Variants in CDK19 observed in about 807,000 individuals in gnomAD.
The protein encoded by CDK19 is cyclin dependent kinase 19, also known as cyclin-dependent kinase 19.
In CDK19, 20 loss-of-function variants were observed where a neutral mutation model predicts 68.3. The ratio of observed to expected loss-of-function variants is 0.29; its 90% CI spans 0.21 to 0.43. The LOEUF (loss-of-function observed/expected upper bound fraction) is 0.43. Among genes scored for constraint, CDK19 ranks in the 20% least tolerant of loss-of-function variants. The pLI is 1.00. For synonymous variants in CDK19, 221 were observed against 222.8 expected, an observed-to-expected ratio of 0.99 and a Z score of 0.07; for missense variants, 339 against 623.5, an observed-to-expected ratio of 0.54 and a Z score of 4.86.
At chr6:110,631,815 T>C (rs752946591) in intron 6 of CDK19, among the ~76,000 whole-genome samples, 22 of 152,360 alleles carry the variant, frequency 1.4e-4, no homozygotes, top group Middle Eastern at 3.4e-3. Context: ...CTGATACCTC[T>C]ATTCTCTGAA....
chr6:110,661,821 G>A (rs1781634381), intron 4 of CDK19, among the ~76,000 whole-genome samples: 1 of 152,006 alleles, frequency 6.6e-6, no homozygotes, highest in Non-Finnish European at 1.5e-5. Context: ...TCTCTCAACT[G>A]GATCTCACAA....
At chr6:110,673,554 T>C (rs1771200109) in intron 2 of CDK19, among the ~76,000 whole-genome samples, 1 of 152,054 alleles carries the variant, frequency 6.6e-6, no homozygotes, top group Admixed American at 6.6e-5. Context: ...AAAAAAACTT[T>C]TTTTGTAGAG....
At position 110,673,477 on chromosome 6, in the gene CDK19, T is replaced by C. The variant is rs369709132; in HGVS notation, c.205-2936A>G. Among the ~76,000 whole-genome samples the C allele has an allele frequency of 1.8e-4, 28 of 152,222 alleles. No individual in the cohort carries two copies. In the South Asian group the frequency reaches 2.1e-3, roughly 11 times the overall value. On this transcript the variant is annotated intron_variant, in intron 2 of 12. Coordinates refer to ENST00000368911, the MANE Select transcript of CDK19 (RefSeq NM_015076.5). ...TATATATACCCAGAAGTGAAATTGC[T>C]AGATCCTATGGTAACTCTATGTTTA...
chr6:110,689,451 T>A (rs372910411), intron 2 of CDK19, among the ~76,000 whole-genome samples: 3 of 152,188 alleles, frequency 2.0e-5, no homozygotes, highest in African/African-American at 7.2e-5. Flanking sequence ...CCACAGGTGG[T>A]GCTCTCTTGC....
chr6:110,670,762 C>A (rs903724124), intron 2 of CDK19: 5 of 631,598 alleles, frequency 7.9e-6, no homozygotes, highest in Non-Finnish European at 1.2e-5. Flanking sequence ...TTAGGTATAT[C>A]TGTTTTGTTT....
chr6:110,749,037 C>G (rs1778270616), intron 1 of CDK19, among the ~76,000 whole-genome samples: 1 of 152,174 alleles, frequency 6.6e-6, no homozygotes, highest in Non-Finnish European at 1.5e-5. Context: ...CAAAGCAATT[C>G]CAAAGCCTTC....
intron 1 of CDK19, among the ~76,000 whole-genome samples, chr6:110,776,895 G>A (rs1170062553): frequency 1.3e-5 from 2 of 152,092 alleles, no homozygotes; most frequent in African/African-American, 2.4e-5. Context: ...TAACTCATTC[G>A]GTCTTCACAA....
At chr6:110,699,010 T>C (rs1339278570) in intron 2 of CDK19, among the ~76,000 whole-genome samples, 4 of 145,562 alleles carry the variant, frequency 2.7e-5, no homozygotes, top group African/African-American at 1.0e-4. Context: ...GCCATGTTCA[T>C]GCCACTGCAC....
intron 4 of CDK19, among the ~76,000 whole-genome samples, chr6:110,647,909 CAGATGGCTT>C (rs1780712186): frequency 6.6e-6 from 1 of 152,054 alleles, no homozygotes; most frequent in Non-Finnish European, 1.5e-5. Context: ...CAAATCCATC[CAGATGGCTT>C]AACATGAGAA....
intron 2 of CDK19, among the ~76,000 whole-genome samples, chr6:110,739,760 A>G (rs977431428): frequency 2.0e-5 from 3 of 151,240 alleles, no homozygotes; most frequent in African/African-American, 7.3e-5. Context: ...CCTCCCAGGT[A>G]GCTAGGACTA....
chr6:110,800,714 A>C (rs1782283898), intron 1 of CDK19, among the ~76,000 whole-genome samples: 1 of 152,200 alleles, frequency 6.6e-6, no homozygotes, highest in South Asian at 2.1e-4. Context: ...CGATCATCTC[A>C]ATTGGCACAG....
intron 4 of CDK19, among the ~76,000 whole-genome samples, chr6:110,664,445 T>G (rs1450635493): frequency 6.6e-6 from 1 of 152,238 alleles, no homozygotes; most frequent in African/African-American, 2.4e-5. Flanking sequence ...ATGTCATATT[T>G]CTTCAAGGCT....
At chr6:110,794,191 G>A (rs1179720724) in intron 1 of CDK19, among the ~76,000 whole-genome samples, 4 of 151,822 alleles carry the variant, frequency 2.6e-5, no homozygotes, top group Non-Finnish European at 4.4e-5. Context: ...GACTAAGGGC[G>A]TCTGCCACCA....
intron 1 of CDK19, among the ~76,000 whole-genome samples, chr6:110,799,725 T>G (rs181450615): frequency 6.6e-6 from 1 of 152,198 alleles, no homozygotes; most frequent in East Asian, 1.9e-4. Context: ...AGCCCCCAAG[T>G]TAGCTAGGAC....
intron 2 of CDK19, among the ~76,000 whole-genome samples, chr6:110,743,700 C>T (rs1050897078): frequency 6.6e-6 from 1 of 152,064 alleles, no homozygotes; most frequent in South Asian, 2.1e-4. Context: ...TTCTCCATCA[C>T]ATTCCAAATT....
intron 5 of CDK19, among the ~76,000 whole-genome samples, chr6:110,634,058 T>C (rs1032700331): frequency 6.6e-6 from 1 of 152,212 alleles, no homozygotes; most frequent in Non-Finnish European, 1.5e-5. Flanking sequence ...GGCCCCAATG[T>C]ACTATAAAAT....
At chr6:110,738,197 A>T (rs1028405371) in intron 2 of CDK19, among the ~76,000 whole-genome samples, 3 of 152,114 alleles carry the variant, frequency 2.0e-5, no homozygotes, top group African/African-American at 7.2e-5. Context: ...AAAGAAAAAG[A>T]AACTTGCACT....
At chr6:110,814,666 C>T (rs984725840) in intron 1 of CDK19, 9 of 514,424 alleles carry the variant, frequency 1.7e-5, no homozygotes, top group Admixed American at 1.6e-4. Flanking sequence ...CTCTGCCTGC[C>T]CGCTGCGTTC....
At chr6:110,733,082 A>C (rs1307335816) in intron 2 of CDK19, among the ~76,000 whole-genome samples, 1 of 152,180 alleles carries the variant, frequency 6.6e-6, no homozygotes, top group Non-Finnish European at 1.5e-5. Context: ...TACCCTGTAA[A>C]GTTTCTGTGA....
Sources: gnomAD v4.1 joint callset for allele counts (sites outside exome capture counted in the v4.1 genomes callset) on GRCh38, gnomAD v4.1.1 for gene constraint, MANE v1.5 for transcripts, NCBI Gene and HGNC (gene_info 2026-07-23, HGNC 2026-07-21) for gene names.